Variants in CLCN2 observed in about 807,000 individuals in gnomAD.
The protein encoded by CLCN2 is chloride voltage-gated channel 2.
In CLCN2, 72 loss-of-function variants were observed where a neutral mutation model predicts 108.3. That is an observed-to-expected ratio of 0.66 (90% CI 0.55 to 0.81). CLCN2 has a LOEUF of 0.81. Ranked by LOEUF, CLCN2 falls within the 30% of genes least tolerant of loss-of-function variation. The pLI, the probability that CLCN2 is intolerant of heterozygous loss-of-function variation, is 0.00. For synonymous variants in CLCN2, 471 were observed against 467.1 expected (o/e 1.01, Z -0.11); for missense variants, 1,048 against 1,205.2 (o/e 0.87, Z 1.93).
At chr3:184,356,738 C>G in intron 10 of CLCN2, 1 of 525,648 alleles carries the variant, frequency 1.9e-6, no homozygotes. Context: ...TATGGGCCAG[C>G]CCAGAGGACC....
intron 1 of CLCN2, among the ~76,000 whole-genome samples, chr3:184,359,664 T>TTG (rs1330068416): frequency 6.7e-6 from 1 of 148,430 alleles, no homozygotes; most frequent in Non-Finnish European, 1.5e-5. Flanking sequence ...CCTAATCCCC[T>TTG]TGTCCCCATT....
chr3:184,355,118 C>T lies in CLCN2; in HGVS notation c.1327-145G>A. 1.2e-6 allele frequency: 1 copy of T among 845,664 alleles called. No homozygotes were observed. Among genetic ancestry groups the T allele is most frequent in the Non-Finnish European group, 1.9e-6 (1 of 514,244 alleles). 52.4% of individuals were successfully genotyped at this position (845,664 alleles called of 1,614,324 possible). ...GTAACCCTCCTAGCTACCCTGGGAC[C>T]CCCAGGCCTCCCAGGTGATGGCAAG... On this transcript the variant is annotated intron_variant, in intron 12 of 23. Coordinates refer to ENST00000265593, the MANE Select transcript of CLCN2 (RefSeq NM_004366.6). The surrounding 1 kb of genome is among the most constrained non-coding windows in gnomAD (Gnocchi z 6.3).
chr3:184,352,257 G>C, intron 21 of CLCN2, 36 bp downstream of exon 21: 1 of 1,613,182 alleles, frequency 6.2e-7, no homozygotes, highest in Non-Finnish European at 8.5e-7. Flanking sequence ...AACACAACCA[G>C]GAAGAAACAG....
At position 184,346,287 on chromosome 3, in the gene CLCN2, T is replaced by C. The variant is rs1727661234; in HGVS notation, c.*319A>G. On this transcript the variant is annotated 3_prime_UTR_variant, in exon 24 of 24. Transcript: ENST00000265593. This position sits in a 1 kb window ranked among gnomAD's most constrained non-coding sequence, Gnocchi z 6.0. ...TTTGTAAATCTCTATATACATCTGG[T>C]CATTGGAGGTTCCAGTTATAAACCC... 2.2e-6 allele frequency: 1 copy of C among 452,644 alleles called. No homozygotes were observed. The highest frequency in any genetic ancestry group is 4.1e-6 in the Non-Finnish European group (1 of 244,646). The allele number at this position is 452,644 out of a possible 1,614,324, so 28.0% of individuals were successfully genotyped here. A position where few individuals can be genotyped will look rare whatever the true frequency, so the allele number is the denominator to read the frequency against.
Position 184,352,786 on chromosome 3 carries a change from G to T in CLCN2, c.2168C>A (p.Ala723Asp). The change falls in exon 19 of 24, where the codon GCC (alanine) becomes GAC (aspartate). Residue 723 changes from alanine to aspartate, a missense_variant. Coordinates refer to ENST00000265593, the MANE Select transcript of CLCN2 (RefSeq NM_004366.6). ...PTGSAESAGI[A>D]LRSLFCGSPP... ...ACTGCCACAGAAGAGGCTCCGGAGGGCGATGCCTGCCGACTCTGCGCTCCC... is the reference window on the plus strand; with the variant it reads ...ACTGCCACAGAAGAGGCTCCGGAGGTCGATGCCTGCCGACTCTGCGCTCCC... The T allele has an allele frequency of 1.2e-6, 2 of 1,613,230 alleles. No homozygotes were observed. The highest frequency in any genetic ancestry group is 4.5e-5 in the East Asian group (2 of 44,880).
chr3:184,352,573 G>A (rs1728194379), intron 19 of CLCN2, 77 bp from the exon 20 acceptor site: 1 of 1,514,740 alleles, frequency 6.6e-7, no homozygotes, highest in Non-Finnish European at 9.1e-7. Context: ...GGGAAGTGGT[G>A]GAGCCCAGGG....
At position 184,355,544 on chromosome 3, in the gene CLCN2, G is replaced by A. The variant is rs1728484477; in HGVS notation, c.1171-15C>T. ...TTCTGTGAGAGCTAGAGTGAACAGGGTGCCTCAGGCTGGGAAACCGACAGG... is the reference window on the plus strand; with the variant it reads ...TTCTGTGAGAGCTAGAGTGAACAGGATGCCTCAGGCTGGGAAACCGACAGG... On this transcript the variant is annotated splice_polypyrimidine_tract_variant and intron_variant, in intron 11 of 23. Transcript: ENST00000265593. The surrounding 1 kb of genome is among the most constrained non-coding windows in gnomAD (Gnocchi z 6.3). 2.5e-6 allele frequency: 4 copies of A among 1,613,952 alleles called. No individual in the cohort carries two copies. The highest frequency in any genetic ancestry group is 2.5e-6 in the Non-Finnish European group (3 of 1,180,018).
chr3:184,346,842 G>A lies in CLCN2; in HGVS notation c.2503-42C>T, dbSNP rs760338127. Reference sequence around the variant, plus strand: ...GACAGATGTCTGGACCCAGATGTCAGACTCCTCCCCGCCTTCCTCCCCAGG... The same window carrying A: ...GACAGATGTCTGGACCCAGATGTCAAACTCCTCCCCGCCTTCCTCCCCAGG... On this transcript the variant is annotated intron_variant, in intron 23 of 23. Transcript: ENST00000265593. This position sits in a 1 kb window ranked among gnomAD's most constrained non-coding sequence, Gnocchi z 6.0. 4.3e-6 allele frequency: 7 copies of A among 1,613,214 alleles called. No homozygotes were observed. In the South Asian group the frequency reaches 7.7e-5, roughly 18 times the overall value.
chr3:184,353,933 C>T (rs1303908158), intron 15 of CLCN2, 138 bp from the exon 16 acceptor site: 2 of 1,444,634 alleles, frequency 1.4e-6, no homozygotes, highest in Non-Finnish European at 1.9e-6. Flanking sequence ...TGCTCCCACC[C>T]TTCTTTCTGA....
At chr3:184,354,345 G>A (rs1728368206) in intron 14 of CLCN2, 31 bp from the exon 15 acceptor site, 1 of 1,606,940 alleles carries the variant, frequency 6.2e-7, no homozygotes. Context: ...TCTCCTCAGG[G>A]TGCCCAGGTC....
intron 21 of CLCN2, 67 bp downstream of exon 21, chr3:184,352,226 C>T: frequency 2.5e-6 from 4 of 1,608,104 alleles, no homozygotes; most frequent in Non-Finnish European, 3.4e-6. Context: ...CCCATGGGGA[C>T]AGCAGCCAAC....
intron 22 of CLCN2, among the ~76,000 whole-genome samples, chr3:184,349,880 C>T (rs897916536): frequency 1.3e-5 from 2 of 152,122 alleles, no homozygotes; most frequent in East Asian, 1.9e-4. Context: ...ATTGCTTCTC[C>T]GTGGGTGGCC....
At chr3:184,347,367 T>G in intron 22 of CLCN2, 1 of 387,754 alleles carries the variant, frequency 2.6e-6, no homozygotes, top group East Asian at 6.2e-5. Flanking sequence ...CCGTGCTAGG[T>G]CTTACATTAT....
At position 184,358,030 on chromosome 3, in the gene CLCN2, T is replaced by C; in HGVS notation, c.547A>G (p.Lys183Glu). ...CCAATGACCTTAGCTATAAAGGTCTTGAGTGTGAGGTATTCTTTCAGCACC... is the reference window on the plus strand; with the variant it reads ...CCAATGACCTTAGCTATAAAGGTCTCGAGTGTGAGGTATTCTTTCAGCACC... ...GVVLKEYLTL[K>E]TFIAKVIGLT... Residue 183 changes from lysine (K) to glutamate (E), a missense_variant, in exon 5 of 24, where the codon AAG becomes GAG. Lys to Glu is a moderately conservative substitution (Grantham distance 56, BLOSUM62 1). Coordinates refer to ENST00000265593, the MANE Select transcript of CLCN2 (RefSeq NM_004366.6). 1 of 1,614,096 alleles carries C rather than the reference T, an allele frequency of 6.2e-7. No homozygotes were observed.
In CLCN2 at chr3:184,353,337, C is replaced by T; in HGVS notation, c.1941G>A (p.Gln647=). The T allele has an allele frequency of 6.2e-7, 1 of 1,613,282 alleles. No individual in the cohort carries two copies. The highest frequency in any genetic ancestry group is 8.5e-7 in the Non-Finnish European group (1 of 1,179,902). ...GGGTGGCTCTGCGCTCCTGCATGTGCTGCCGCCGGCGGGCTGGGCTCAGCT... is the reference window on the plus strand; with the variant it reads ...GGGTGGCTCTGCGCTCCTGCATGTGTTGCCGCCGGCGGGCTGGGCTCAGCT... The part of the protein sequence containing the change: ...GAQLSPARRR[Q]HMQERRATQT... Residue 647 remains glutamine (Q), a synonymous_variant, in exon 17 of 24, where the codon CAG becomes CAA. Transcript: ENST00000265593.
intron 22 of CLCN2, chr3:184,347,344 G>A: frequency 2.4e-6 from 1 of 419,884 alleles, no homozygotes; most frequent in South Asian, 2.1e-5. Flanking sequence ...GAAATCTAGT[G>A]ATTGGCCAGG....
In CLCN2 at chr3:184,351,644, C is replaced by A. The variant is rs1047494990; in HGVS notation, c.2415+369G>T. Among the ~76,000 whole-genome samples, 4 of 152,170 alleles carry A rather than the reference C, an allele frequency of 2.6e-5. No individual in the cohort carries two copies. In the South Asian group the frequency reaches 8.3e-4, roughly 32 times the overall value. On this transcript the variant is annotated intron_variant, in intron 22 of 23. Transcript: ENST00000265593. Reference sequence around the variant, plus strand: ...TTTCTTATCCTGCCTGTTTCTCACCCGTTTTTTTCCGCATGGGCGTATCAA... The same window carrying A: ...TTTCTTATCCTGCCTGTTTCTCACCAGTTTTTTTCCGCATGGGCGTATCAA...
rs909272792 is a variant in CLCN2, at chr3:184,355,152, C to T, written c.1327-179G>A. 18 of 781,374 alleles carry T rather than the reference C, an allele frequency of 2.3e-5. 1 individual carries two copies. In the South Asian group the frequency reaches 2.7e-4, roughly 12 times the overall value. 48.4% of individuals were successfully genotyped at this position (781,374 alleles called of 1,614,324 possible). A position where few individuals can be genotyped will look rare whatever the true frequency, so the allele number is the denominator to read the frequency against. On this transcript the variant is annotated intron_variant, in intron 12 of 23. Coordinates refer to ENST00000265593, the MANE Select transcript of CLCN2 (RefSeq NM_004366.6). The surrounding 1 kb of genome is among the most constrained non-coding windows in gnomAD (Gnocchi z 6.3). ...TCCCAGGTGATGGCAAGGGGAAGGA[C>T]TCTGGAAGCAGATGGCTTGGGTTCA...
chr3:184,348,567 TCTGG>T (rs1727870473), intron 22 of CLCN2: 1 of 152,096 alleles, frequency 6.6e-6, no homozygotes, highest in Admixed American at 6.5e-5. Context: ...AGCGATTCCT[TCTGG>T]CTAACTGGAG....
Sources: allele counts gnomAD v4.1 joint callset (sites outside exome capture counted in the v4.1 genomes callset), GRCh38; gene constraint gnomAD v4.1.1; non-coding constraint Gnocchi (gnomAD v3.1); transcripts MANE v1.5; gene names NCBI Gene and HGNC (gene_info 2026-07-23, HGNC 2026-07-21).